NFIA: variants seen among roughly 807,000 people sequenced by gnomAD.
NFIA encodes the protein nuclear factor I A.
Under a neutral mutation model 62.8 loss-of-function variants are expected in NFIA, and 8 were observed. The observed-to-expected ratio is 0.13, with a 90% CI of 0.07 to 0.23. NFIA has a LOEUF of 0.23. Ranked by LOEUF, NFIA falls within the 10% of genes least tolerant of loss-of-function variation. The probability of loss-of-function intolerance (pLI) is 1.00; values close to 1 mark genes in which losing one functional copy is unlikely to be tolerated. For synonymous variants in NFIA, 235 were observed against 238.1 expected, an observed-to-expected ratio of 0.99 and a Z score of 0.12; for missense variants, 410 against 642.1, an observed-to-expected ratio of 0.64 and a Z score of 3.91.
chr1:61,203,636 G>C (rs964330064), intron 2 of NFIA, among the ~76,000 whole-genome samples: 31 of 152,054 alleles, frequency 2.0e-4, no homozygotes, highest in African/African-American at 7.2e-4. Flanking sequence ...CATTGTACAT[G>C]GTTTCTGTTG....
rs141154350 is a variant in NFIA at position 61,444,680 on chromosome 1, A to G, written c.1513-10623A>G. Among the ~76,000 whole-genome samples the G allele has an allele frequency of 4.6e-3, 702 of 152,314 alleles. 7 individuals are homozygous for G. The highest frequency in any genetic ancestry group is 0.016 in the African/African-American group (663 of 41,578). ...CTATCTTAAAGTATTTCTTAATTGA[A>G]CTGTCTTCTAGAATAGCACAAATTG... On this transcript the variant is annotated intron_variant, in intron 10 of 10. Coordinates refer to ENST00000403491, the MANE Select transcript of NFIA (RefSeq NM_001134673.4).
chr1:61,165,114 T>A, intron 2 of NFIA, among the ~76,000 whole-genome samples: 1 of 152,092 alleles, frequency 6.6e-6, no homozygotes, highest in East Asian at 1.9e-4. Flanking sequence ...TTATTTAGAG[T>A]TTTAGTGGAG....
chr1:61,294,854 C>T (rs1354751634), intron 3 of NFIA, among the ~76,000 whole-genome samples: 1 of 152,198 alleles, frequency 6.6e-6, no homozygotes, highest in Non-Finnish European at 1.5e-5. Flanking sequence ...TGTCCGTATT[C>T]AGTGGACTTC....
intron 2 of NFIA, among the ~76,000 whole-genome samples, chr1:61,140,736 A>G (rs1647443431): frequency 6.6e-6 from 1 of 152,278 alleles, no homozygotes; most frequent in South Asian, 2.1e-4. Flanking sequence ...TTGGTAAGAT[A>G]AAAATGGGAC....
chr1:61,090,675 G>T (rs1646304563), intron 2 of NFIA, among the ~76,000 whole-genome samples: 1 of 152,136 alleles, frequency 6.6e-6, no homozygotes, highest in African/African-American at 2.4e-5. Flanking sequence ...GCTTATGAAA[G>T]ATTTATTGAC....
chr1:61,294,016 C>T (rs1659048060), intron 3 of NFIA, among the ~76,000 whole-genome samples: 3 of 152,172 alleles, frequency 2.0e-5, no homozygotes, highest in African/African-American at 7.2e-5. Flanking sequence ...ATAATACAAT[C>T]CAAGCCTGAG....
intron 4 of NFIA, among the ~76,000 whole-genome samples, chr1:61,348,745 CTCT>C (rs1662386138): frequency 6.6e-6 from 1 of 152,132 alleles, no homozygotes; most frequent in African/African-American, 2.4e-5. Flanking sequence ...GCTAGGAGGC[CTCT>C]TCTTCTCTCC....
intron 2 of NFIA, among the ~76,000 whole-genome samples, chr1:61,134,709 G>T (rs1647149928): frequency 6.6e-6 from 1 of 152,144 alleles, no homozygotes; most frequent in South Asian, 2.1e-4. Flanking sequence ...TACTTTTTAG[G>T]CTGGATGAGG....
rs1328983520 is a variant in NFIA at position 61,456,047 on chromosome 1, AAACAAC to A, written c.*735_*740del. 6.6e-6 allele frequency: 1 copy of A among 152,652 alleles called. No homozygotes were observed. Among genetic ancestry groups the A allele is most frequent in the African/African-American group, 2.4e-5 (1 of 41,456 alleles). 9.5% of individuals were successfully genotyped at this position (152,652 alleles called of 1,614,324 possible). ...TGAAATGCTGCACTTACATTTAAAA[AAACAAC>A]AACAACATTTTTTCAACAATTTCAA... On this transcript the variant is annotated 3_prime_UTR_variant, in exon 11 of 11. Coordinates refer to ENST00000403491, the MANE Select transcript of NFIA (RefSeq NM_001134673.4).
At chr1:61,200,653 C>T (rs931303866) in intron 2 of NFIA, among the ~76,000 whole-genome samples, 1 of 152,160 alleles carries the variant, frequency 6.6e-6, no homozygotes, top group Non-Finnish European at 1.5e-5. Context: ...GACATATCTA[C>T]TTAGGTTCCA....
At chr1:61,142,294 C>A (rs1434863123) in intron 2 of NFIA, among the ~76,000 whole-genome samples, 1 of 152,114 alleles carries the variant, frequency 6.6e-6, no homozygotes, top group East Asian at 1.9e-4. Flanking sequence ...ATTTTAATCA[C>A]CCAAGGGCTG....
chr1:61,238,274 A>C (rs926413046), intron 2 of NFIA, among the ~76,000 whole-genome samples: 1 of 152,120 alleles, frequency 6.6e-6, no homozygotes, highest in African/African-American at 2.4e-5. Context: ...TAAGTGGGTT[A>C]CTCCTTAATT....
intron 2 of NFIA, among the ~76,000 whole-genome samples, chr1:61,257,332 T>G (rs999944276): frequency 2.1e-5 from 2 of 94,916 alleles, no homozygotes; most frequent in Admixed American, 1.1e-4. Flanking sequence ...CTGCGTTGTT[T>G]TTTTTTTTTT....
chr1:61,389,198 G>A (rs926720812), intron 7 of NFIA, among the ~76,000 whole-genome samples: 11 of 152,210 alleles, frequency 7.2e-5, no homozygotes, highest in Admixed American at 7.2e-4. Context: ...TCTTCTCCTA[G>A]ACATGTTTCA....
At chr1:61,432,334 T>C (rs935469759) in intron 10 of NFIA, among the ~76,000 whole-genome samples, 4 of 151,866 alleles carry the variant, frequency 2.6e-5, no homozygotes, top group African/African-American at 7.3e-5. Context: ...CCTTTACTGC[T>C]GCACAAGGCT....
intron 2 of NFIA, among the ~76,000 whole-genome samples, chr1:61,128,915 G>GTTTTTTTTTTTTTTTT (rs10635152): frequency 1.3e-5 from 1 of 74,124 alleles, no homozygotes; most frequent in African/African-American, 5.7e-5. Context: ...GCTTACTTAT[G>GTTTTTTTTTTTTTTTT]TTTTTTTTTT....
intron 9 of NFIA, among the ~76,000 whole-genome samples, chr1:61,413,559 G>A (rs888202413): frequency 6.6e-6 from 1 of 150,944 alleles, no homozygotes; most frequent in Non-Finnish European, 1.5e-5. Flanking sequence ...TTCTGATTCT[G>A]GGGGGAACCA....
chr1:61,202,871 C>T (rs888931937), intron 2 of NFIA, among the ~76,000 whole-genome samples: 8 of 152,206 alleles, frequency 5.3e-5, no homozygotes, highest in African/African-American at 1.9e-4. Context: ...TAACTATATA[C>T]AGCACTTCAA....
At chr1:61,369,035 A>C (rs1357397263) in intron 6 of NFIA, among the ~76,000 whole-genome samples, 1 of 152,160 alleles carries the variant, frequency 6.6e-6, no homozygotes, top group East Asian at 1.9e-4. Context: ...AGCGGCTTAG[A>C]CCACAGTCCT....
Sources: gnomAD v4.1 joint callset for allele counts (sites outside exome capture counted in the v4.1 genomes callset) on GRCh38, gnomAD v4.1.1 for gene constraint, MANE v1.5 for transcripts, NCBI Gene and HGNC (gene_info 2026-07-23, HGNC 2026-07-21) for gene names.